The following THSD7B variants were observed in gnomAD, a reference collection of about 807,000 sequenced individuals.
The protein encoded by THSD7B is thrombospondin type-1 domain-containing protein 7B.
Under a neutral mutation model 213.6 loss-of-function variants are expected in THSD7B, and 138 were observed. That is an observed-to-expected ratio of 0.65 (90% confidence interval 0.56 to 0.74). The LOEUF (loss-of-function observed/expected upper bound fraction) is 0.74, where lower values mean the gene tolerates loss of function less well. THSD7B is among the 30% of genes least tolerant of loss of function. The pLI is 0.00. For missense variants in THSD7B, 1,931 were observed against 1,991.5 expected (o/e 0.97, Z 0.58); for synonymous variants, 742 against 687.0 (o/e 1.08, Z -1.25).
intron 2 of THSD7B, among the ~76,000 whole-genome samples, chr2:136,908,089 A>AT (rs891978361): frequency 3.2e-4 from 49 of 152,214 alleles, no homozygotes; most frequent in Non-Finnish European, 4.9e-4. Context: ...AAAACACTTC[A>AT]TTTTTTTAAT....
chr2:137,028,057 C>T (rs2104849233), intron 2 of THSD7B, among the ~76,000 whole-genome samples: 1 of 152,254 alleles, frequency 6.6e-6, no homozygotes, highest in East Asian at 1.9e-4. Context: ...ACATATGCTT[C>T]ATATCATGAA....
At chr2:137,144,284 A>G (rs951444100) in intron 5 of THSD7B, among the ~76,000 whole-genome samples, 1 of 152,102 alleles carries the variant, frequency 6.6e-6, no homozygotes, top group African/African-American at 2.4e-5. Context: ...TTTGAATTTT[A>G]AGGCCATTTC....
intron 17 of THSD7B, 118 bp from the exon 18 acceptor site, chr2:137,616,057 C>T: frequency 1.0e-6 from 1 of 998,962 alleles, no homozygotes; most frequent in Non-Finnish European, 1.4e-6. Flanking sequence ...ATATGTTTAA[C>T]CCTCTAGATA....
intron 15 of THSD7B, among the ~76,000 whole-genome samples, chr2:137,537,445 A>G (rs1680528413): frequency 6.6e-6 from 1 of 151,760 alleles, no homozygotes; most frequent in Non-Finnish European, 1.5e-5. Flanking sequence ...TTTTTGAAAT[A>G]GTGATAGTTA....
intron 1 of THSD7B, among the ~76,000 whole-genome samples, chr2:136,842,675 T>G (rs1682937766): frequency 6.6e-6 from 1 of 152,164 alleles, no homozygotes. Context: ...TAAAACACTT[T>G]CACTAAGGGA....
At chr2:137,150,555 TC>T (rs944738903) in intron 5 of THSD7B, among the ~76,000 whole-genome samples, 5 of 152,200 alleles carry the variant, frequency 3.3e-5, no homozygotes, top group African/African-American at 9.6e-5. Flanking sequence ...TGTGTTTTCT[TC>T]CCCTTCTTCC....
intron 22 of THSD7B, 31 bp downstream of exon 22, chr2:137,655,691 C>A: frequency 6.3e-7 from 1 of 1,591,050 alleles, no homozygotes; most frequent in Non-Finnish European, 8.6e-7. Flanking sequence ...GGAGCGCCTC[C>A]CATGGTGATC....
chr2:137,250,047 C>T (rs1291001438), intron 10 of THSD7B, among the ~76,000 whole-genome samples: 1 of 152,168 alleles, frequency 6.6e-6, no homozygotes, highest in African/African-American at 2.4e-5. Flanking sequence ...AGTTAAAAAA[C>T]CCAGTGTTTA....
intron 10 of THSD7B, among the ~76,000 whole-genome samples, chr2:137,264,661 C>A (rs1682537640): frequency 6.6e-6 from 1 of 152,054 alleles, no homozygotes; most frequent in South Asian, 2.1e-4. Flanking sequence ...ATTATGGCAT[C>A]CATTTGTGAT....
intron 1 of THSD7B, among the ~76,000 whole-genome samples, chr2:136,855,590 TATTATTTATTTATTA>T: frequency 7.7e-6 from 1 of 129,978 alleles, no homozygotes; most frequent in East Asian, 2.9e-4. Flanking sequence ...CGCATCCGGC[TATTATTTATTTATTA>T]TTTATTTATT....
rs1686925589 is a variant in THSD7B at position 137,043,924 on chromosome 2, C to T, written c.140-12496C>T. Among the ~76,000 whole-genome samples the T allele has an allele frequency of 3.3e-5, 5 of 152,204 alleles. No individual in the cohort carries two copies. The South Asian group carries it at 1.0e-3, about 32-fold the overall frequency. ...CACATCTCTCCCATCCTTTAACCCCCACACTGAAGGTGAGTACTAGGTTTC... is the reference window on the plus strand; with the variant it reads ...CACATCTCTCCCATCCTTTAACCCCTACACTGAAGGTGAGTACTAGGTTTC... On this transcript the variant is annotated intron_variant, in intron 2 of 27. Coordinates refer to ENST00000409968, the MANE Select transcript of THSD7B (RefSeq NM_001316349.2).
At chr2:137,338,778 A>G (rs184022593) in intron 12 of THSD7B, among the ~76,000 whole-genome samples, 14 of 152,232 alleles carry the variant, frequency 9.2e-5, no homozygotes, top group African/African-American at 3.1e-4. Flanking sequence ...TTATCCTTTA[A>G]TCAATTACAA....
Position 137,473,149 on chromosome 2 carries a change from A to G in THSD7B, c.3138+22126A>G, listed in dbSNP as rs1450248867. Among the ~76,000 whole-genome samples the G allele has an allele frequency of 2.6e-5, 4 of 151,744 alleles. No individual in the cohort carries two copies. The South Asian group carries it at 8.3e-4, about 32-fold the overall frequency. ...TCATTCAGGAAAAATTATCCACTAAATAAGCAAGTCTTTATAACCATAGCT... is the reference window on the plus strand; with the variant it reads ...TCATTCAGGAAAAATTATCCACTAAGTAAGCAAGTCTTTATAACCATAGCT... On this transcript the variant is annotated intron_variant, in intron 15 of 27. Transcript: ENST00000409968.
chr2:137,166,933 A>G (rs1394613560), intron 6 of THSD7B, among the ~76,000 whole-genome samples: 4 of 152,040 alleles, frequency 2.6e-5, no homozygotes, highest in Admixed American at 6.6e-5. Flanking sequence ...TCACCCTATC[A>G]GTGTGTCTTC....
chr2:136,793,622 T>A (rs1682007698), intron 1 of THSD7B, among the ~76,000 whole-genome samples: 1 of 151,986 alleles, frequency 6.6e-6, no homozygotes, highest in South Asian at 2.1e-4. Flanking sequence ...CTGGAATAAA[T>A]ACCTCTTGAT....
At chr2:137,370,718 C>T (rs1286534862) in intron 12 of THSD7B, among the ~76,000 whole-genome samples, 1 of 152,078 alleles carries the variant, frequency 6.6e-6, no homozygotes, top group Non-Finnish European at 1.5e-5. Flanking sequence ...ATCCACCTGC[C>T]TAGGCCTCCC....
At chr2:137,218,813 A>AT (rs982431250) in intron 7 of THSD7B, among the ~76,000 whole-genome samples, 1 of 151,868 alleles carries the variant, frequency 6.6e-6, no homozygotes, top group Non-Finnish European at 1.5e-5. Context: ...TGAAGATCTT[A>AT]TTTTTTACAG....
intron 2 of THSD7B, among the ~76,000 whole-genome samples, chr2:136,929,293 A>T (rs1684591649): frequency 6.6e-6 from 1 of 152,186 alleles, no homozygotes; most frequent in Non-Finnish European, 1.5e-5. Flanking sequence ...AGTTTATTTA[A>T]TTTAGTTTTG....
intron 27 of THSD7B, among the ~76,000 whole-genome samples, chr2:137,671,199 C>G (rs1683564506): frequency 1.3e-5 from 2 of 149,812 alleles, no homozygotes; most frequent in African/African-American, 4.9e-5. Context: ...AGGGAGATGG[C>G]CATTTTATTT....
Sources: gnomAD v4.1 joint callset for allele counts (sites outside exome capture counted in the v4.1 genomes callset) on GRCh38, gnomAD v4.1.1 for gene constraint, MANE v1.5 for transcripts, NCBI Gene and HGNC (gene_info 2026-07-23, HGNC 2026-07-21) for gene names.